NXPH1: variants seen among roughly 807,000 people sequenced by gnomAD.
NXPH1 encodes neurexophilin-1.
A neutral mutation model predicts 23.7 loss-of-function variants in NXPH1; 5 were observed. The observed-to-expected ratio is 0.21, with a 90% CI of 0.11 to 0.44. NXPH1 has a LOEUF of 0.44. Ranked by LOEUF, NXPH1 falls within the 20% of genes least tolerant of loss-of-function variation. The pLI is 0.99. For synonymous variants in NXPH1, 144 were observed against 122.2 expected (o/e 1.18, Z -1.18); for missense variants, 324 against 321.6 (o/e 1.01, Z -0.06).
At chr7:8,725,083 C>A (rs1367734242) in intron 2 of NXPH1, among the ~76,000 whole-genome samples, 1 of 152,178 alleles carries the variant, frequency 6.6e-6, no homozygotes, top group Non-Finnish European at 1.5e-5. Flanking sequence ...TGGATGTTAC[C>A]TTCTTAGGGA....
In NXPH1 at chr7:8,575,027, T is replaced by A. The variant is rs111849396; in HGVS notation, c.54+139260T>A. Among the ~76,000 whole-genome samples the A allele has an allele frequency of 6.3e-3, 960 of 152,296 alleles. 18 individuals carry two copies. The highest frequency in any genetic ancestry group is 0.022 in the African/African-American group (896 of 41,548). The stretch of plus-strand genomic sequence containing the variant: ...CATTCGTCGGAGACGTTCTGTTAAA[T>A]CTAAAATGTAAATAGCTTCTCCCTT... On this transcript the variant is annotated intron_variant, in intron 2 of 2. Transcript: ENST00000405863.
intron 2 of NXPH1, among the ~76,000 whole-genome samples, chr7:8,737,001 C>T (rs1780269192): frequency 6.6e-6 from 1 of 151,756 alleles, no homozygotes; most frequent in African/African-American, 2.4e-5. Context: ...ATTCCTCTAT[C>T]CCTTTATTTT....
At chr7:8,687,266 G>C (rs1431223770) in intron 2 of NXPH1, among the ~76,000 whole-genome samples, 1 of 152,068 alleles carries the variant, frequency 6.6e-6, no homozygotes, top group Non-Finnish European at 1.5e-5. Context: ...CACTGCCTGA[G>C]TGAGCTTTTG....
chr7:8,608,479 G>A (rs1562423972), intron 2 of NXPH1, among the ~76,000 whole-genome samples: 2 of 152,130 alleles, frequency 1.3e-5, no homozygotes, highest in Non-Finnish European at 2.9e-5. Flanking sequence ...TGGGACTACA[G>A]TGATGTGTCG....
chr7:8,741,414 A>G (rs1334836943), intron 2 of NXPH1, among the ~76,000 whole-genome samples: 38 of 152,186 alleles, frequency 2.5e-4, no homozygotes, highest in Non-Finnish European at 5.9e-5. Flanking sequence ...ATATAAACCC[A>G]GAAGTGGGAT....
At chr7:8,451,814 G>T (rs183042335) in intron 2 of NXPH1, among the ~76,000 whole-genome samples, 1 of 152,294 alleles carries the variant, frequency 6.6e-6, no homozygotes, top group African/African-American at 2.4e-5. Flanking sequence ...GAGAAAGGTC[G>T]ATCATGAGCT....
chr7:8,673,000 C>T (rs1035481521), intron 2 of NXPH1, among the ~76,000 whole-genome samples: 2 of 152,162 alleles, frequency 1.3e-5, no homozygotes, highest in African/African-American at 4.8e-5. Flanking sequence ...AGTCAAGTTA[C>T]ATATCTCCAT....
chr7:8,588,003 A>G (rs921446720), intron 2 of NXPH1, among the ~76,000 whole-genome samples: 9 of 152,212 alleles, frequency 5.9e-5, no homozygotes. Context: ...AAAAAAGCTC[A>G]TCATCACTGG....
chr7:8,556,622 A>G (rs1818362046), intron 2 of NXPH1, among the ~76,000 whole-genome samples: 1 of 151,784 alleles, frequency 6.6e-6, no homozygotes, highest in Admixed American at 6.6e-5. Flanking sequence ...TTACATCATC[A>G]GAAACAAACC....
At chr7:8,672,862 G>A (rs978596733) in intron 2 of NXPH1, among the ~76,000 whole-genome samples, 8 of 152,146 alleles carry the variant, frequency 5.3e-5, no homozygotes, top group African/African-American at 1.9e-4. Flanking sequence ...CTTGGCCTGA[G>A]CATCTGTTCT....
At chr7:8,679,034 G>A (rs771084128) in intron 2 of NXPH1, among the ~76,000 whole-genome samples, 2 of 137,556 alleles carry the variant, frequency 1.5e-5, no homozygotes, top group African/African-American at 2.8e-5. Context: ...TGCAAGCTCC[G>A]CCTCCCGGGT....
At chr7:8,616,460 C>T (rs952476453) in intron 2 of NXPH1, among the ~76,000 whole-genome samples, 2 of 152,022 alleles carry the variant, frequency 1.3e-5, no homozygotes, top group African/African-American at 2.4e-5. Flanking sequence ...CATCTCGACT[C>T]AACTTGTTAA....
chr7:8,739,171 T>TAAAAAAAAAAAA lies in NXPH1; in HGVS notation c.55-11815_55-11804dup, dbSNP rs34593997. Among the ~76,000 whole-genome samples, 3 of 54,042 alleles carry TAAAAAAAAAAAA rather than the reference T, an allele frequency of 5.6e-5. 1 individual carries two copies. The highest frequency in any genetic ancestry group is 7.6e-5 in the African/African-American group (1 of 13,090). The allele number at this position is 54,042 out of a possible 152,430, so 35.5% of individuals were successfully genotyped here. ...ACTGGAGTTCCAGGCACCAGTGGGG[T>TAAAAAAAAAAAA]AAAAAAAAAAAAAAAAAAAAAAAAA... On this transcript the variant is annotated intron_variant, in intron 2 of 2. Transcript: ENST00000405863.
At chr7:8,567,040 C>G (rs1412393655) in intron 2 of NXPH1, among the ~76,000 whole-genome samples, 1 of 151,892 alleles carries the variant, frequency 6.6e-6, no homozygotes, top group Non-Finnish European at 1.5e-5. Context: ...TGCTTTATCT[C>G]TCACACATAC....
chr7:8,712,628 A>G (rs959215573), intron 2 of NXPH1, among the ~76,000 whole-genome samples: 1 of 152,242 alleles, frequency 6.6e-6, no homozygotes, highest in African/African-American at 2.4e-5. Flanking sequence ...ACATCTCTGC[A>G]TCAAATAATT....
chr7:8,476,256 G>T (rs1037353243), intron 2 of NXPH1, among the ~76,000 whole-genome samples: 1 of 152,142 alleles, frequency 6.6e-6, no homozygotes, highest in Admixed American at 6.5e-5. Flanking sequence ...AGCGGTGCAA[G>T]TGAGTGTGGA....
chr7:8,747,958 A>AT (rs1780499378), intron 2 of NXPH1, among the ~76,000 whole-genome samples: 1 of 152,130 alleles, frequency 6.6e-6, no homozygotes, highest in Non-Finnish European at 1.5e-5. Flanking sequence ...AATGAAAAAT[A>AT]CTAACTCTGG....
intron 2 of NXPH1, among the ~76,000 whole-genome samples, chr7:8,491,944 C>A (rs1817254170): frequency 1.3e-5 from 2 of 152,014 alleles, no homozygotes; most frequent in Non-Finnish European, 1.5e-5. Context: ...CCACAGCCAT[C>A]TATAAAATGC....
chr7:8,454,931 G>A (rs1047657843), intron 2 of NXPH1, among the ~76,000 whole-genome samples: 15 of 152,104 alleles, frequency 9.9e-5, no homozygotes, highest in African/African-American at 3.6e-4. Context: ...GACAGAAAAT[G>A]GATGAAGAGA....
Sources: allele counts gnomAD v4.1 joint callset (sites outside exome capture counted in the v4.1 genomes callset), GRCh38; gene constraint gnomAD v4.1.1; transcripts MANE v1.5; gene names NCBI Gene and HGNC (gene_info 2026-07-23, HGNC 2026-07-21).